PLA2G4C: variants seen among roughly 807,000 people sequenced by gnomAD.
PLA2G4C encodes the protein phospholipase A2 group IVC, also known as cytosolic phospholipase A2 gamma.
A neutral mutation model predicts 73.8 loss-of-function variants in PLA2G4C; 64 were observed. The observed-to-expected ratio is 0.87, with a 90% confidence interval of 0.71 to 1.07. The LOEUF (loss-of-function observed/expected upper bound fraction) is 1.07. Ranked by LOEUF, PLA2G4C falls within the 50% of genes least tolerant of loss-of-function variation. The probability of loss-of-function intolerance (pLI) is 0.00; values close to 1 mark genes in which losing one functional copy is unlikely to be tolerated. For synonymous variants in PLA2G4C, 254 were observed against 252.1 expected (o/e 1.01, Z -0.07); for missense variants, 622 against 665.4 (o/e 0.93, Z 0.72).
At chr19:48,060,381 G>A (rs1045471938) in intron 14 of PLA2G4C, among the ~76,000 whole-genome samples, 3 of 152,146 alleles carry the variant, frequency 2.0e-5, no homozygotes, top group African/African-American at 7.2e-5. Context: ...CATGTGGCCG[G>A]CAACCACTGT....
At chr19:48,061,976 C>T (rs1968196314) in intron 14 of PLA2G4C, 22 bp downstream of exon 14, 1 of 1,612,596 alleles carries the variant, frequency 6.2e-7, no homozygotes, top group Non-Finnish European at 8.5e-7. Flanking sequence ...CCAGGACCGG[C>T]CCCAAAGCCC....
intron 4 of PLA2G4C, chr19:48,104,324 G>T (rs548023169): frequency 5.2e-6 from 2 of 383,006 alleles, no homozygotes; most frequent in African/African-American, 2.1e-5. Flanking sequence ...ATTGCCAGTC[G>T]GTCAGAAGCA....
At chr19:48,104,282 C>A in intron 4 of PLA2G4C, 1 of 274,872 alleles carries the variant, frequency 3.6e-6, no homozygotes, top group Non-Finnish European at 6.9e-6. Context: ...AATTATTGAA[C>A]ATGAGGCGGA....
rs765945133 is a variant in PLA2G4C, at chr19:48,072,513, C to T, written c.1006+2254G>A. ...GTAGATGAACTCTGGCTGACTTTCC[C>T]CACATTTCCACTTGGTAGGCTCATT... On this transcript the variant is annotated intron_variant, in intron 12 of 16. Coordinates refer to ENST00000599921, the MANE Select transcript of PLA2G4C (RefSeq NM_003706.3). The surrounding 1 kb of genome is among the most constrained non-coding windows in gnomAD (Gnocchi z 4.4). 7 of 152,232 alleles carry T rather than the reference C, an allele frequency of 4.6e-5. No individual in the cohort carries two copies. The highest frequency in any genetic ancestry group is 1.0e-4 in the Non-Finnish European group (7 of 68,042). 9.4% of individuals were successfully genotyped at this position (152,232 alleles called of 1,614,324 possible). A position where few individuals can be genotyped will look rare whatever the true frequency, so the allele number is the denominator to read the frequency against.
At chr19:48,069,365 C>T (rs891130465) in intron 12 of PLA2G4C, among the ~76,000 whole-genome samples, 4 of 152,110 alleles carry the variant, frequency 2.6e-5, no homozygotes, top group Non-Finnish European at 5.9e-5. Context: ...AGGAGCTGTT[C>T]CAAAATGCCC....
intron 13 of PLA2G4C, among the ~76,000 whole-genome samples, chr19:48,065,921 C>A (rs1379460194): frequency 6.6e-6 from 1 of 152,060 alleles, no homozygotes; most frequent in African/African-American, 2.4e-5. Flanking sequence ...TGGAGAAACC[C>A]TGTCTCTACT....
chr19:48,105,947 C>CTTTCTTTCT (rs1555756111), intron 2 of PLA2G4C, among the ~76,000 whole-genome samples: 3 of 9,164 alleles, frequency 3.3e-4, no homozygotes, highest in Non-Finnish European at 3.4e-4. Flanking sequence ...CCCTCCCTCC[C>CTTTCTTTCT]TTCTTTCTTT....
chr19:48,085,059 C>A lies in PLA2G4C; in HGVS notation c.844G>T (p.Ala282Ser). 2 of 1,607,114 alleles carry A rather than the reference C, an allele frequency of 1.2e-6. No homozygotes were observed. Among genetic ancestry groups the A allele is most frequent in the Non-Finnish European group, 1.7e-6 (2 of 1,173,656 alleles). The change falls in exon 10 of 17, where the codon GCC (alanine) becomes TCC (serine). Residue 282 changes from alanine (A) to serine (S), a missense_variant and splice_region_variant. By Grantham distance (99) the Ala-to-Ser change is moderately conservative. Transcript: ENST00000599921. ...ACCTTTCTGTTCCCCAAATACTCACCAAAAATAAGGTGTCCAATGCTTTTA... is the reference window on the plus strand; with the variant it reads ...ACCTTTCTGTTCCCCAAATACTCACAAAAAATAAGGTGTCCAATGCTTTTA... ...NAKSIGHLIF[A>S]RLLRLQESSQ... is the part of the protein sequence containing the mutation.
Position 48,048,265 on chromosome 19 carries a change from G to T in PLA2G4C, c.*78C>A. The T allele has an allele frequency of 1.9e-6, 2 of 1,059,994 alleles. No individual in the cohort carries two copies. The highest frequency in any genetic ancestry group is 2.8e-6 in the Non-Finnish European group (2 of 705,000). 65.7% of individuals were successfully genotyped at this position (1,059,994 alleles called of 1,614,324 possible). A position where few individuals can be genotyped will look rare whatever the true frequency, so the allele number is the denominator to read the frequency against. On this transcript the variant is annotated 3_prime_UTR_variant, in exon 17 of 17. Coordinates refer to ENST00000599921, the MANE Select transcript of PLA2G4C (RefSeq NM_003706.3). ...CATGAAGCGTGTGGCTGAAGGGAGTGAAGAACAGGAAGGCCAGGTGGACAT... is the reference window on the plus strand; with the variant it reads ...CATGAAGCGTGTGGCTGAAGGGAGTTAAGAACAGGAAGGCCAGGTGGACAT...
At chr19:48,093,423 C>T (rs139575903) in intron 7 of PLA2G4C, among the ~76,000 whole-genome samples, 5 of 152,208 alleles carry the variant, frequency 3.3e-5, no homozygotes, top group African/African-American at 1.2e-4. Flanking sequence ...TCAACTGCTC[C>T]CAACTTCTAA....
intron 3 of PLA2G4C, 98 bp from the exon 4 acceptor site, chr19:48,104,822 C>A: frequency 8.3e-7 from 1 of 1,209,132 alleles, no homozygotes; most frequent in Non-Finnish European, 1.2e-6. Context: ...GTGGCTCACG[C>A]CTGTAATCCC....
intron 6 of PLA2G4C, 86 bp from the exon 7 acceptor site, chr19:48,095,690 G>A: frequency 7.4e-7 from 1 of 1,350,502 alleles, no homozygotes; most frequent in South Asian, 1.2e-5. Flanking sequence ...CTATTAATGA[G>A]GAATTACAAC....
chr19:48,105,853 T>C (rs2032165572), intron 2 of PLA2G4C, among the ~76,000 whole-genome samples: 1 of 77,232 alleles, frequency 1.3e-5, no homozygotes, highest in African/African-American at 4.6e-5. Context: ...CTTCCATCCT[T>C]CCTTCCTTCC....
chr19:48,049,393 A>C (rs949826463), intron 16 of PLA2G4C, among the ~76,000 whole-genome samples: 1 of 152,044 alleles, frequency 6.6e-6, no homozygotes, highest in African/African-American at 2.4e-5. Flanking sequence ...TTTCCTAAAA[A>C]GCTTTCACTT....
intron 14 of PLA2G4C, among the ~76,000 whole-genome samples, chr19:48,059,343 A>G (rs769650630): frequency 9.9e-5 from 15 of 152,140 alleles, no homozygotes; most frequent in Non-Finnish European, 1.5e-4. Context: ...ATCTCATGCA[A>G]TATGTCAAAA....
Position 48,110,492 on chromosome 19 carries a change from C to G in PLA2G4C, c.-38G>C, listed in dbSNP as rs1412390549. On this transcript the variant is annotated 5_prime_UTR_variant, in exon 1 of 17. Transcript: ENST00000599921. Reference sequence around the variant, plus strand: ...TCCCTGCCCCCACGGCTTGCCTGAGCCTGGGTCTGGGGCGTGTGCGCATGC... The same window carrying G: ...TCCCTGCCCCCACGGCTTGCCTGAGGCTGGGTCTGGGGCGTGTGCGCATGC... 1.7e-5 allele frequency: 25 copies of G among 1,470,642 alleles called. No individual in the cohort carries two copies. Among genetic ancestry groups the G allele is most frequent in the African/African-American group, 4.6e-5 (2 of 43,506 alleles). 91.1% of individuals were successfully genotyped at this position (1,470,642 alleles called of 1,614,324 possible).
At chr19:48,110,044 A>C (rs903042533) in intron 1 of PLA2G4C, among the ~76,000 whole-genome samples, 2 of 148,192 alleles carry the variant, frequency 1.3e-5, no homozygotes, top group Non-Finnish European at 3.0e-5. Flanking sequence ...TAGCTTCCAG[A>C]AGTGTTAGAA....
At chr19:48,091,006 CAAA>C (rs61146922) in intron 7 of PLA2G4C, among the ~76,000 whole-genome samples, 4 of 137,222 alleles carry the variant, frequency 2.9e-5, no homozygotes, top group Non-Finnish European at 4.7e-5. Flanking sequence ...ACCCTGACTT[CAAA>C]AAAAAAAAAA....
At chr19:48,071,838 A>G (rs1002653535) in intron 12 of PLA2G4C, among the ~76,000 whole-genome samples, 2 of 152,068 alleles carry the variant, frequency 1.3e-5, no homozygotes, top group African/African-American at 4.8e-5. Context: ...ACCTGGGCTC[A>G]AGTATATCTT....
Sources: allele counts gnomAD v4.1 joint callset (sites outside exome capture counted in the v4.1 genomes callset), GRCh38; gene constraint gnomAD v4.1.1; non-coding constraint Gnocchi (gnomAD v3.1); transcripts MANE v1.5; gene names NCBI Gene and HGNC (gene_info 2026-07-23, HGNC 2026-07-21).